OC90: variants seen among roughly 807,000 people sequenced by gnomAD.
OC90 encodes otoconin 90.
In OC90, 46 loss-of-function variants were observed where a neutral mutation model predicts 47.3. The ratio of observed to expected loss-of-function variants is 0.97; its 90% CI spans 0.77 to 1.24. The LOEUF (loss-of-function observed/expected upper bound fraction) is 1.24, where lower values mean the gene tolerates loss of function less well. Ranked by LOEUF, OC90 falls within the 50% of genes most tolerant of loss-of-function variation. The pLI, the probability that OC90 is intolerant of heterozygous loss-of-function variation, is 0.00. For missense variants in OC90, 688 were observed against 583.9 expected, an observed-to-expected ratio of 1.18 and a Z score of -1.84; for synonymous variants, 271 against 219.5, an observed-to-expected ratio of 1.23 and a Z score of -2.07.
At chr8:132,043,858 AC>A (rs1224101315) in intron 4 of OC90, among the ~76,000 whole-genome samples, 3 of 152,218 alleles carry the variant, frequency 2.0e-5, no homozygotes, top group Non-Finnish European at 4.4e-5. Flanking sequence ...GCATGGCCCG[AC>A]CCAAAAGTAA....
At chr8:132,058,909 C>G (rs1365293217) in intron 1 of OC90, among the ~76,000 whole-genome samples, 1 of 152,064 alleles carries the variant, frequency 6.6e-6, no homozygotes, top group African/African-American at 2.4e-5. Context: ...CGACTCAGAG[C>G]AATTTGGGTT....
intron 1 of OC90, among the ~76,000 whole-genome samples, chr8:132,055,379 G>A (rs1486485027): frequency 2.0e-5 from 3 of 152,166 alleles, no homozygotes; most frequent in Non-Finnish European, 2.9e-5. Context: ...GGCCTGCCTC[G>A]TGTCAGGCAT....
chr8:132,048,722 C>T (rs1271461575), intron 2 of OC90, among the ~76,000 whole-genome samples: 1 of 151,584 alleles, frequency 6.6e-6, no homozygotes. Flanking sequence ...TCCCCACTCC[C>T]CCCTGTTTTA....
chr8:132,029,596 T>C (rs1221298039), intron 12 of OC90, among the ~76,000 whole-genome samples: 1 of 152,158 alleles, frequency 6.6e-6, no homozygotes, highest in African/African-American at 2.4e-5. Context: ...CTCCAATCTT[T>C]GACACAGAGG....
At chr8:132,033,711 C>T (rs1182238632) in intron 10 of OC90, among the ~76,000 whole-genome samples, 1 of 152,196 alleles carries the variant, frequency 6.6e-6, no homozygotes, top group South Asian at 2.1e-4. Flanking sequence ...ACATCTCTTA[C>T]CGCCTGCCTG....
intron 9 of OC90, chr8:132,036,518 C>G: frequency 1.3e-6 from 1 of 764,042 alleles, no homozygotes; most frequent in African/African-American, 1.7e-5. Flanking sequence ...AGAGAGGAGG[C>G]TTAGGGTAAT....
At chr8:132,053,171 T>C (rs1823239134) in intron 2 of OC90, among the ~76,000 whole-genome samples, 1 of 152,116 alleles carries the variant, frequency 6.6e-6, no homozygotes. Context: ...TGACCCCCAA[T>C]CTGGCCTGGG....
intron 9 of OC90, chr8:132,036,279 G>A (rs912150042): frequency 2.6e-6 from 2 of 759,698 alleles, no homozygotes; most frequent in South Asian, 1.4e-5. Context: ...CCATTAAGAA[G>A]TGGTCACAGG....
At chr8:132,056,385 A>C (rs1823279701) in intron 1 of OC90, among the ~76,000 whole-genome samples, 1 of 152,186 alleles carries the variant, frequency 6.6e-6, no homozygotes, top group Non-Finnish European at 1.5e-5. Context: ...TTGTACAATC[A>C]CTACTCTATG....
At chr8:132,028,125 C>G (rs896220117) in intron 13 of OC90, among the ~76,000 whole-genome samples, 1 of 152,148 alleles carries the variant, frequency 6.6e-6, no homozygotes, top group African/African-American at 2.4e-5. Context: ...TGCTCGTCAC[C>G]GGCCCTGTGA....
intron 4 of OC90, among the ~76,000 whole-genome samples, chr8:132,044,212 C>G (rs866342929): frequency 1.3e-5 from 2 of 152,104 alleles, no homozygotes; most frequent in African/African-American, 2.4e-5. Context: ...TGAGTCAGGA[C>G]TAATGAAGTA....
rs969270149 is a variant in OC90 at position 132,029,121 on chromosome 8, C to T, written c.1090G>A (p.Glu364Lys). The change falls in exon 13 of 14, where the codon GAG (glutamate) becomes AAG (lysine). Residue 364 changes from glutamate to lysine, a missense_variant. By Grantham distance (56) the Glu-to-Lys change is moderately conservative. Coordinates refer to ENST00000254627, the MANE Select transcript of OC90 (RefSeq NM_001080399.3). The part of the protein sequence containing the change: ...EQVRRLGCLL[E>K]RLPWSPVVCV... ...ACCACCGGTGACCAAGGAAGCCTCT[C>T]AAGCAGGCAGCCCAGCCTTCTCACT... 5 of 1,613,860 alleles carry T rather than the reference C, an allele frequency of 3.1e-6. No individual in the cohort carries two copies. The highest frequency in any genetic ancestry group is 4.2e-6 in the Non-Finnish European group (5 of 1,179,878).
At chr8:132,047,526 A>G (rs1307772586) in intron 2 of OC90, among the ~76,000 whole-genome samples, 1 of 152,160 alleles carries the variant, frequency 6.6e-6, no homozygotes, top group Non-Finnish European at 1.5e-5. Context: ...TTCATCTGGG[A>G]GTTCCAGCGA....
intron 5 of OC90, among the ~76,000 whole-genome samples, 158 bp downstream of exon 5, chr8:132,041,367 G>A (rs1276210446): frequency 6.6e-6 from 1 of 152,204 alleles, no homozygotes; most frequent in African/African-American, 2.4e-5. Context: ...ACATTGCCAT[G>A]TAAAGATGAG....
chr8:132,040,049 T>C (rs1246427033), intron 6 of OC90, among the ~76,000 whole-genome samples: 1 of 152,222 alleles, frequency 6.6e-6, no homozygotes, highest in South Asian at 2.1e-4. Flanking sequence ...TTGTCTTGCA[T>C]TGGTGTAGGT....
intron 10 of OC90, among the ~76,000 whole-genome samples, chr8:132,033,691 C>T (rs1462518791): frequency 6.6e-6 from 1 of 152,198 alleles, no homozygotes; most frequent in Admixed American, 6.5e-5. Context: ...GTCCTACCTG[C>T]CTTGCCATCA....
chr8:132,033,827 A>G (rs887928037), intron 10 of OC90, among the ~76,000 whole-genome samples: 20 of 152,164 alleles, frequency 1.3e-4, no homozygotes, highest in African/African-American at 3.9e-4. Context: ...CAGCCTTCCC[A>G]GTACAGGGAA....
intron 13 of OC90, among the ~76,000 whole-genome samples, chr8:132,027,616 A>G (rs984904004): frequency 2.0e-5 from 3 of 152,236 alleles, no homozygotes; most frequent in Non-Finnish European, 4.4e-5. Flanking sequence ...ATGGAGCTGG[A>G]GAATGCAGAT....
At chr8:132,033,245 G>T in intron 10 of OC90, 81 bp from the exon 11 acceptor site, 1 of 1,380,362 alleles carries the variant, frequency 7.2e-7, no homozygotes. Flanking sequence ...AAAGCCAAAT[G>T]CAAACAGATA....
Sources: allele counts gnomAD v4.1 joint callset (sites outside exome capture counted in the v4.1 genomes callset), GRCh38; gene constraint gnomAD v4.1.1; transcripts MANE v1.5; gene names NCBI Gene and HGNC (gene_info 2026-07-23, HGNC 2026-07-21).